NXPH1: variants seen among roughly 807,000 people sequenced by gnomAD.
NXPH1 encodes neurexophilin-1.
Under a neutral mutation model 23.7 loss-of-function variants are expected in NXPH1, and 5 were observed. The ratio of observed to expected loss-of-function variants is 0.21; its 90% CI spans 0.11 to 0.44. The LOEUF (loss-of-function observed/expected upper bound fraction) is 0.44. Among genes scored for constraint, NXPH1 ranks in the 20% least tolerant of loss-of-function variants. NXPH1 has a pLI of 0.99. For missense variants in NXPH1, 324 were observed against 321.6 expected (o/e 1.01, Z -0.06); for synonymous variants, 144 against 122.2 (o/e 1.18, Z -1.18).
chr7:8,564,929 A>G (rs1364121103), intron 2 of NXPH1, among the ~76,000 whole-genome samples: 2 of 151,754 alleles, frequency 1.3e-5, no homozygotes, highest in African/African-American at 4.8e-5. Flanking sequence ...GAATTATTCT[A>G]TTGAATCTTT....
intron 2 of NXPH1, among the ~76,000 whole-genome samples, chr7:8,472,520 G>T (rs1023433033): frequency 6.6e-6 from 1 of 152,140 alleles, no homozygotes; most frequent in Non-Finnish European, 1.5e-5. Flanking sequence ...CTGTCCTTCT[G>T]TGGGCCCAGG....
At chr7:8,458,330 A>G (rs1023419979) in intron 2 of NXPH1, among the ~76,000 whole-genome samples, 1 of 152,204 alleles carries the variant, frequency 6.6e-6, no homozygotes, top group African/African-American at 2.4e-5. Flanking sequence ...CAACCCACAG[A>G]TTCATGCTGT....
At chr7:8,634,201 T>A (rs770761322) in intron 2 of NXPH1, among the ~76,000 whole-genome samples, 29 of 152,132 alleles carry the variant, frequency 1.9e-4, no homozygotes, top group Non-Finnish European at 3.4e-4. Flanking sequence ...GGTACGTAAT[T>A]GAATCATGGG....
At chr7:8,743,776 C>T (rs538468539) in intron 2 of NXPH1, among the ~76,000 whole-genome samples, 10 of 151,808 alleles carry the variant, frequency 6.6e-5, no homozygotes, top group African/African-American at 2.4e-4. Flanking sequence ...CTCCGCCTCC[C>T]GAGTTCATGC....
intron 2 of NXPH1, among the ~76,000 whole-genome samples, chr7:8,492,944 C>A (rs905203120): frequency 2.0e-5 from 3 of 151,946 alleles, no homozygotes; most frequent in Admixed American, 1.3e-4. Context: ...GAAGGAAAGG[C>A]CTTTTCTTTT....
At chr7:8,730,478 C>T (rs929274527) in intron 2 of NXPH1, among the ~76,000 whole-genome samples, 11 of 151,958 alleles carry the variant, frequency 7.2e-5, no homozygotes, top group African/African-American at 2.7e-4. Flanking sequence ...GCAGCTGGTA[C>T]CGGTTGTTCC....
At chr7:8,675,013 G>T (rs1820927022) in intron 2 of NXPH1, among the ~76,000 whole-genome samples, 1 of 152,092 alleles carries the variant, frequency 6.6e-6, no homozygotes, top group East Asian at 1.9e-4. Flanking sequence ...TCCTACCAGG[G>T]CTGACAGGTT....
intron 2 of NXPH1, among the ~76,000 whole-genome samples, chr7:8,513,032 G>A (rs1817635654): frequency 1.3e-5 from 2 of 152,068 alleles, no homozygotes; most frequent in Admixed American, 1.3e-4. Context: ...GGAAAAAGGT[G>A]TTCTTTCTGA....
At chr7:8,726,893 T>G (rs910079583) in intron 2 of NXPH1, among the ~76,000 whole-genome samples, 4 of 151,982 alleles carry the variant, frequency 2.6e-5, no homozygotes, top group Non-Finnish European at 5.9e-5. Context: ...TAGTTCTAGA[T>G]CCCTGAGGAA....
At chr7:8,663,000 G>T (rs886092600) in intron 2 of NXPH1, among the ~76,000 whole-genome samples, 1 of 152,046 alleles carries the variant, frequency 6.6e-6, no homozygotes, top group Non-Finnish European at 1.5e-5. Flanking sequence ...CTAAAGGAAG[G>T]TATGAGTGTA....
At chr7:8,489,912 A>G (rs112109261) in intron 2 of NXPH1, among the ~76,000 whole-genome samples, 7 of 152,184 alleles carry the variant, frequency 4.6e-5, no homozygotes, top group African/African-American at 1.4e-4. Flanking sequence ...CCCTGGTTCA[A>G]GGTAAATTGG....
At chr7:8,645,089 T>C (rs1265554426) in intron 2 of NXPH1, among the ~76,000 whole-genome samples, 1 of 152,214 alleles carries the variant, frequency 6.6e-6, no homozygotes, top group African/African-American at 2.4e-5. Context: ...GGTAAACATC[T>C]GAGTGGTTCT....
chr7:8,684,118 T>C (rs1228230481), intron 2 of NXPH1, among the ~76,000 whole-genome samples: 3 of 152,136 alleles, frequency 2.0e-5, no homozygotes, highest in Admixed American at 1.3e-4. Context: ...AGAAAATCCC[T>C]GGGAAACAAG....
At chr7:8,446,980 C>T (rs1260027746) in intron 2 of NXPH1, among the ~76,000 whole-genome samples, 3 of 152,066 alleles carry the variant, frequency 2.0e-5, no homozygotes, top group African/African-American at 7.2e-5. Flanking sequence ...AGAAACAGTG[C>T]CGTGACTTAT....
chr7:8,522,128 T>C (rs1182600810), intron 2 of NXPH1, among the ~76,000 whole-genome samples: 1 of 152,226 alleles, frequency 6.6e-6, no homozygotes, highest in African/African-American at 2.4e-5. Flanking sequence ...CTACAATGCA[T>C]TACTGACATT....
At chr7:8,708,539 T>C (rs1355688093) in intron 2 of NXPH1, among the ~76,000 whole-genome samples, 1 of 151,384 alleles carries the variant, frequency 6.6e-6, no homozygotes, top group Non-Finnish European at 1.5e-5. Flanking sequence ...TTTTTGTATT[T>C]TTAGTAGAGA....
intron 2 of NXPH1, among the ~76,000 whole-genome samples, chr7:8,649,714 C>A (rs939612864): frequency 7.2e-5 from 11 of 152,120 alleles, no homozygotes; most frequent in Admixed American, 5.9e-4. Context: ...TTTATAATAG[C>A]CACAGCCTTA....
At chr7:8,636,456 T>G (rs537472733) in intron 2 of NXPH1, among the ~76,000 whole-genome samples, 1 of 152,326 alleles carries the variant, frequency 6.6e-6, no homozygotes, top group Non-Finnish European at 1.5e-5. Flanking sequence ...GTAAAAGAAC[T>G]AGCAGCACAT....
intron 2 of NXPH1, among the ~76,000 whole-genome samples, chr7:8,513,400 T>A (rs1817640257): frequency 6.6e-6 from 1 of 152,160 alleles, no homozygotes; most frequent in Non-Finnish European, 1.5e-5. Context: ...CCTTACGTGT[T>A]GTGAGGCTAC....
Sources: allele counts gnomAD v4.1 joint callset (sites outside exome capture counted in the v4.1 genomes callset), GRCh38; gene constraint gnomAD v4.1.1; transcripts MANE v1.5; gene names NCBI Gene and HGNC (gene_info 2026-07-23, HGNC 2026-07-21).